TTC27: variants seen among roughly 807,000 people sequenced by gnomAD.
TTC27 encodes the protein tetratricopeptide repeat protein 27.
TTC27 carries 79 observed loss-of-function variants against 115.9 expected under a neutral mutation model. The observed-to-expected ratio is 0.68, with a 90% CI of 0.57 to 0.82. The LOEUF is 0.82. Ranked by LOEUF, TTC27 falls within the 40% of genes least tolerant of loss-of-function variation. The pLI is 0.00. For missense variants in TTC27, 1,054 were observed against 993.1 expected, an observed-to-expected ratio of 1.06 and a Z score of -0.82; for synonymous variants, 401 against 356.0, an observed-to-expected ratio of 1.13 and a Z score of -1.42.
chr2:32,669,426 A>G (rs1320478954), intron 7 of TTC27, among the ~76,000 whole-genome samples: 1 of 152,254 alleles, frequency 6.6e-6, no homozygotes, highest in Non-Finnish European at 1.5e-5. Context: ...CTTTATTCTA[A>G]TGGGTGGAAG....
chr2:32,735,865 CATT>C (rs1177563071), intron 11 of TTC27, among the ~76,000 whole-genome samples: 1 of 151,882 alleles, frequency 6.6e-6, no homozygotes, highest in African/African-American at 2.4e-5. Context: ...GGATCATTCT[CATT>C]ATTTATTTTG....
intron 12 of TTC27, among the ~76,000 whole-genome samples, chr2:32,755,990 G>A (rs1268701693): frequency 6.6e-6 from 1 of 152,118 alleles, no homozygotes; most frequent in Admixed American, 6.5e-5. Context: ...GGGATATCAT[G>A]GACTACCAGT....
chr2:32,817,644 T>C (rs1285787867), intron 19 of TTC27, 87 bp downstream of exon 19: 1 of 1,187,676 alleles, frequency 8.4e-7, no homozygotes. Context: ...TTCTTTTACA[T>C]CAGTGATAAT....
chr2:32,682,841 A>ATTTTTTTTTTTTTTTTTTTTT (rs1559204114), intron 9 of TTC27, among the ~76,000 whole-genome samples: 2 of 77,480 alleles, frequency 2.6e-5, no homozygotes, highest in Non-Finnish European at 4.5e-5. Context: ...GATAATTTTT[A>ATTTTTTTTTTTTTTTTTTTTT]TTGTTGTTTT....
rs776872675 is a variant in TTC27, at chr2:32,678,930, A to G, written c.1119+8A>G. 6.2e-7 allele frequency: 1 copy of G among 1,611,310 alleles called. No individual in the cohort carries two copies. Among genetic ancestry groups the G allele is most frequent in the Non-Finnish European group, 8.5e-7 (1 of 1,177,846 alleles). On this transcript the variant is annotated splice_region_variant and intron_variant, in intron 9 of 19. Coordinates refer to ENST00000317907, the MANE Select transcript of TTC27 (RefSeq NM_017735.5). ...CTTCTGGCATTTACATCAGTGAGTA[A>G]TGTCTTTTTCTCTTCCATTTCATTT...
At chr2:32,633,308 G>A (rs1176430963) in intron 2 of TTC27, among the ~76,000 whole-genome samples, 1 of 152,140 alleles carries the variant, frequency 6.6e-6, no homozygotes, top group Non-Finnish European at 1.5e-5. Flanking sequence ...TTGAAATATG[G>A]AAAGTATGAC....
intron 16 of TTC27, among the ~76,000 whole-genome samples, chr2:32,793,122 T>C (rs1670591741): frequency 6.6e-6 from 1 of 152,192 alleles, no homozygotes; most frequent in African/African-American, 2.4e-5. Context: ...GGGTGGGATA[T>C]GAGGGCTATA....
chr2:32,801,299 C>T (rs10169808), intron 16 of TTC27, among the ~76,000 whole-genome samples: 5 of 152,196 alleles, frequency 3.3e-5, no homozygotes, highest in Non-Finnish European at 7.3e-5. Flanking sequence ...AAGTCAAGTT[C>T]GAAATCAAGG....
At chr2:32,657,424 GC>G (rs1252125600) in intron 5 of TTC27, among the ~76,000 whole-genome samples, 1 of 149,732 alleles carries the variant, frequency 6.7e-6, no homozygotes, top group African/African-American at 2.5e-5. Flanking sequence ...CATGATCTTG[GC>G]TCACTGCAAG....
At chr2:32,720,453 G>A (rs540399769) in intron 10 of TTC27, among the ~76,000 whole-genome samples, 133 of 152,314 alleles carry the variant, frequency 8.7e-4, no homozygotes, top group Admixed American at 2.7e-3. Flanking sequence ...TCTGAGAGCT[G>A]TAGAGGCCAG....
chr2:32,642,018 G>A (rs574982569), intron 4 of TTC27, among the ~76,000 whole-genome samples: 1 of 152,062 alleles, frequency 6.6e-6, no homozygotes, highest in South Asian at 2.1e-4. Flanking sequence ...ACGATGCATG[G>A]CTCATCTTTT....
intron 9 of TTC27, among the ~76,000 whole-genome samples, chr2:32,689,911 AATTT>A (rs1395018345): frequency 6.6e-6 from 1 of 152,182 alleles, no homozygotes; most frequent in Non-Finnish European, 1.5e-5. Context: ...TAATTAGTAG[AATTT>A]ATTTTAAGTC....
At chr2:32,818,474 C>A (rs1671579700) in intron 19 of TTC27, among the ~76,000 whole-genome samples, 1 of 152,106 alleles carries the variant, frequency 6.6e-6, no homozygotes, top group African/African-American at 2.4e-5. Context: ...CAGTGCTGGG[C>A]CAGAGATGCC....
chr2:32,667,439 T>TG (rs1476068891), intron 7 of TTC27, among the ~76,000 whole-genome samples: 2 of 145,454 alleles, frequency 1.4e-5, no homozygotes, highest in Non-Finnish European at 3.0e-5. Flanking sequence ...TTTTTTGAGA[T>TG]GGAGTCTCAC....
chr2:32,813,318 G>T (rs1671380474), intron 18 of TTC27, among the ~76,000 whole-genome samples: 1 of 152,104 alleles, frequency 6.6e-6, no homozygotes, highest in Non-Finnish European at 1.5e-5. Context: ...CTACTTCCCT[G>T]CCTAACTAAC....
chr2:32,713,940 C>T (rs1372898379), intron 10 of TTC27, among the ~76,000 whole-genome samples: 2 of 152,086 alleles, frequency 1.3e-5, no homozygotes, highest in South Asian at 2.1e-4. Context: ...CTCAAGTAGG[C>T]CTCAATGTCT....
chr2:32,814,057 A>G (rs1416571930), intron 18 of TTC27, among the ~76,000 whole-genome samples: 1 of 152,194 alleles, frequency 6.6e-6, no homozygotes. Flanking sequence ...TGTATTAGGT[A>G]CATAATTAGC....
At chr2:32,689,805 A>G (rs998610500) in intron 9 of TTC27, among the ~76,000 whole-genome samples, 7 of 152,230 alleles carry the variant, frequency 4.6e-5, no homozygotes, top group African/African-American at 7.2e-5. Context: ...TTCTTAGCAC[A>G]TGAGACTTGT....
At chr2:32,746,573 A>AAAAAAAAAAAAAAAAAAAAAG (rs1668837258) in intron 12 of TTC27, among the ~76,000 whole-genome samples, 1 of 144,202 alleles carries the variant, frequency 6.9e-6, no homozygotes, top group East Asian at 1.9e-4. Flanking sequence ...CAAAAAAAAA[A>AAAAAAAAAAAAAAAAAAAAAG]AAAAAAAAAG....
Sources: allele counts gnomAD v4.1 joint callset (sites outside exome capture counted in the v4.1 genomes callset), GRCh38; gene constraint gnomAD v4.1.1; transcripts MANE v1.5; gene names NCBI Gene and HGNC (gene_info 2026-07-23, HGNC 2026-07-21).